Variants in ACER3 observed in about 807,000 individuals in gnomAD.
The protein encoded by ACER3 is alkCDase 3.
Under a neutral mutation model 48.9 loss-of-function variants are expected in ACER3, and 16 were observed. The observed-to-expected ratio is 0.33, with a 90% CI of 0.22 to 0.50. The LOEUF (loss-of-function observed/expected upper bound fraction) is 0.50. Among genes scored for constraint, ACER3 ranks in the 20% least tolerant of loss-of-function variants. ACER3 has a pLI of 0.98. For missense variants in ACER3, 227 were observed against 326.0 expected (o/e 0.70, Z 2.34); for synonymous variants, 109 against 107.8 (o/e 1.01, Z -0.07).
At chr11:76,973,976 A>C (rs764793087) in intron 3 of ACER3, among the ~76,000 whole-genome samples, 8 of 152,206 alleles carry the variant, frequency 5.3e-5, no homozygotes, top group Admixed American at 1.3e-4. Context: ...TTTGTTGAAA[A>C]GACTGTTCTT....
chr11:76,879,801 G>T (rs1190659293), intron 1 of ACER3, among the ~76,000 whole-genome samples: 1 of 152,098 alleles, frequency 6.6e-6, no homozygotes, highest in Non-Finnish European at 1.5e-5. Flanking sequence ...TGCTGGATTT[G>T]ATTTGCTTGT....
intron 2 of ACER3, among the ~76,000 whole-genome samples, chr11:76,931,886 A>T (rs574483064): frequency 6.6e-6 from 1 of 151,380 alleles, no homozygotes; most frequent in Admixed American, 6.6e-5. Context: ...TTTCTCTCTG[A>T]CTGCCCTTAA....
chr11:76,995,550 A>G (rs1948893368), intron 6 of ACER3, among the ~76,000 whole-genome samples: 1 of 152,204 alleles, frequency 6.6e-6, no homozygotes, highest in Admixed American at 6.5e-5. Context: ...CACTATAAAA[A>G]TATACATATT....
At chr11:76,894,503 C>T (rs1237964741) in intron 1 of ACER3, among the ~76,000 whole-genome samples, 1 of 152,134 alleles carries the variant, frequency 6.6e-6, no homozygotes, top group African/African-American at 2.4e-5. Context: ...CTGCCTCTTA[C>T]TGGTTGAGCA....
intron 1 of ACER3, among the ~76,000 whole-genome samples, chr11:76,899,605 T>C (rs1235450838): frequency 6.6e-6 from 1 of 152,244 alleles, no homozygotes. Context: ...TCCAGACTAT[T>C]AGGCTTATCT....
intron 9 of ACER3, 25 bp downstream of exon 9, chr11:77,016,804 C>A: frequency 1.5e-6 from 2 of 1,306,416 alleles, no homozygotes; most frequent in East Asian, 2.4e-5. Context: ...CTTTTTTAGC[C>A]TCGTACTAGA....
intron 3 of ACER3, among the ~76,000 whole-genome samples, chr11:76,963,596 G>T (rs374073641): frequency 2.0e-5 from 3 of 151,288 alleles, no homozygotes; most frequent in South Asian, 4.1e-4. Flanking sequence ...GTGACATGCT[G>T]GATCCAATCG....
chr11:76,969,924 A>G (rs1948249035), intron 3 of ACER3, among the ~76,000 whole-genome samples: 1 of 150,670 alleles, frequency 6.6e-6, no homozygotes, highest in Non-Finnish European at 1.5e-5. Flanking sequence ...GTGCACATGT[A>G]CCCTAAAACT....
At chr11:76,945,166 C>T (rs1947441682) in intron 2 of ACER3, among the ~76,000 whole-genome samples, 1 of 151,870 alleles carries the variant, frequency 6.6e-6, no homozygotes, top group Admixed American at 6.6e-5. Context: ...TCCTGTATCT[C>T]ATGGAGCTTC....
intron 1 of ACER3, among the ~76,000 whole-genome samples, chr11:76,874,269 T>G (rs1168838972): frequency 6.6e-6 from 1 of 152,148 alleles, no homozygotes; most frequent in African/African-American, 2.4e-5. Flanking sequence ...TTTTTCTCAT[T>G]TTACAAAAAC....
intron 1 of ACER3, among the ~76,000 whole-genome samples, chr11:76,861,340 G>A (rs1944934332): frequency 6.6e-6 from 1 of 151,624 alleles, no homozygotes; most frequent in Non-Finnish European, 1.5e-5. Flanking sequence ...GGGAAGTGGG[G>A]AGCCCCTGCT....
At chr11:76,970,476 A>G (rs957395926) in intron 3 of ACER3, among the ~76,000 whole-genome samples, 1 of 152,180 alleles carries the variant, frequency 6.6e-6, no homozygotes, top group African/African-American at 2.4e-5. Flanking sequence ...AAATTCAAAG[A>G]CTGATGAAGT....
chr11:76,980,104 C>T (rs1948550460), intron 4 of ACER3, among the ~76,000 whole-genome samples: 1 of 152,024 alleles, frequency 6.6e-6, no homozygotes, highest in Non-Finnish European at 1.5e-5. Flanking sequence ...TGCCACTGCA[C>T]TTCAGCCTGG....
rs1949504643 is a variant in ACER3, at chr11:77,023,653, T to A, written c.*3326T>A. 6.4e-6 allele frequency: 1 copy of A among 155,190 alleles called. No individual in the cohort carries two copies. The highest frequency in any genetic ancestry group is 2.4e-5 in the African/African-American group (1 of 41,628). 9.6% of individuals were successfully genotyped at this position (155,190 alleles called of 1,614,324 possible). On this transcript the variant is annotated 3_prime_UTR_variant, in exon 11 of 11. Transcript: ENST00000532485. ...ACCATTTACAATTGGAATTTCCACC[T>A]GTGTGGCTGTTTGCAGACCTACCTC...
At chr11:76,938,635 A>T (rs1338293659) in intron 2 of ACER3, among the ~76,000 whole-genome samples, 1 of 152,050 alleles carries the variant, frequency 6.6e-6, no homozygotes, top group African/African-American at 2.4e-5. Flanking sequence ...ACCTATATTG[A>T]TATTGTTAGG....
chr11:76,975,085 C>T (rs1474840319), intron 3 of ACER3, among the ~76,000 whole-genome samples: 1 of 152,168 alleles, frequency 6.6e-6, no homozygotes, highest in Non-Finnish European at 1.5e-5. Context: ...AGCTCTCTTC[C>T]TACTTCCTAG....
chr11:76,879,342 T>C (rs1945466452), intron 1 of ACER3, among the ~76,000 whole-genome samples: 2 of 152,180 alleles, frequency 1.3e-5, no homozygotes, highest in Non-Finnish European at 2.9e-5. Flanking sequence ...CTAATAGGCA[T>C]ATCCAGTTAT....
At chr11:76,990,320 C>T (rs1948772610) in intron 5 of ACER3, among the ~76,000 whole-genome samples, 1 of 152,130 alleles carries the variant, frequency 6.6e-6, no homozygotes, top group Non-Finnish European at 1.5e-5. Context: ...CTAAAACATT[C>T]GACTCACCAT....
At chr11:76,888,056 G>A (rs1231113628) in intron 1 of ACER3, among the ~76,000 whole-genome samples, 1 of 151,932 alleles carries the variant, frequency 6.6e-6, no homozygotes, top group Admixed American at 6.6e-5. Flanking sequence ...CTGGACTCAA[G>A]TGATCCACCC....
Sources: gnomAD v4.1 joint callset for allele counts (sites outside exome capture counted in the v4.1 genomes callset) on GRCh38, gnomAD v4.1.1 for gene constraint, MANE v1.5 for transcripts, NCBI Gene and HGNC (gene_info 2026-07-23, HGNC 2026-07-21) for gene names.